Variants in LRCH3 observed in about 807,000 individuals in gnomAD.
LRCH3 encodes DISP complex protein LRCH3.
A neutral mutation model predicts 104.5 loss-of-function variants in LRCH3; 68 were observed. That is an observed-to-expected ratio of 0.65 (90% CI 0.54 to 0.80). The LOEUF (loss-of-function observed/expected upper bound fraction) is 0.80, where lower values mean the gene tolerates loss of function less well. Among genes scored for constraint, LRCH3 ranks in the 30% least tolerant of loss-of-function variants. The pLI is 0.00. For synonymous variants in LRCH3, 344 were observed against 361.3 expected (o/e 0.95, Z 0.54); for missense variants, 951 against 953.9 (o/e 1.00, Z 0.04).
intron 12 of LRCH3, among the ~76,000 whole-genome samples, chr3:197,848,854 T>C (rs114965820): frequency 0.014 from 2,149 of 152,344 alleles, 49 homozygotes; most frequent in African/African-American, 0.049. Flanking sequence ...CTGTTTTACC[T>C]GATAAACTCT....
rs1435013528 is a variant in LRCH3, at chr3:197,880,773, T to G, written c.2209-2768T>G. On this transcript the variant is annotated intron_variant, in intron 20 of 20. Transcript: ENST00000425562. Reference sequence around the variant, plus strand: ...CCTGTGCTTGGTAAAGGAGGTTTGTTTCTCATCCAGAATTATTTACATAAG... The same window carrying G: ...CCTGTGCTTGGTAAAGGAGGTTTGTGTCTCATCCAGAATTATTTACATAAG... The G allele has an allele frequency of 2.1e-5, 32 of 1,532,928 alleles. No individual in the cohort carries two copies. The Admixed American group carries it at 6.1e-4, about 29-fold the overall frequency. The allele number at this position is 1,532,928 out of a possible 1,614,324, so 95.0% of individuals were successfully genotyped here. A position where few individuals can be genotyped will look rare whatever the true frequency, so the allele number is the denominator to read the frequency against.
intron 1 of LRCH3, among the ~76,000 whole-genome samples, chr3:197,799,948 G>T (rs1168447159): frequency 6.6e-6 from 1 of 151,876 alleles, no homozygotes; most frequent in African/African-American, 2.4e-5. Context: ...TTGGGAGGCC[G>T]AGGCAGGTGG....
chr3:197,795,979 C>A lies in LRCH3; in HGVS notation c.262+4439C>A, dbSNP rs113639104. 2.1e-4 allele frequency among the ~76,000 whole-genome samples: 32 copies of A among 152,212 alleles called. 1 individual carries two copies. The highest frequency in any genetic ancestry group is 7.5e-4 in the African/African-American group (31 of 41,518). ...GTGCTGGGATTACAGGTGTGACCCA[C>A]CGCACCCGGCCAGAATTTTTTGATG... On this transcript the variant is annotated intron_variant, in intron 1 of 20. Transcript: ENST00000425562.
rs898294257 is a variant in LRCH3 at position 197,831,794 on chromosome 3, AT to A, written c.982-394del. Among the ~76,000 whole-genome samples the A allele has an allele frequency of 3.0e-3, 457 of 151,312 alleles. 1 individual carries two copies. The highest frequency in any genetic ancestry group is 0.01 in the African/African-American group (430 of 41,240). ...CACCATGCCTGGCTAATTAAAAAAA[AT>A]TTTTTTTTAGAGACATGCTCTCCCT... On this transcript the variant is annotated intron_variant, in intron 7 of 20. Transcript: ENST00000425562.
rs976930312 is a variant in LRCH3 at position 197,886,023 on chromosome 3, A to G, written c.*2357A>G. 1 of 152,094 alleles carries G rather than the reference A, an allele frequency of 6.6e-6. No homozygotes were observed. Among genetic ancestry groups the G allele is most frequent in the African/African-American group, 2.4e-5 (1 of 41,412 alleles). 9.4% of individuals were successfully genotyped at this position (152,094 alleles called of 1,614,324 possible). ...TGCAGAGAAACAAATTCATCAGAAC[A>G]TTACCACTTGACCAGGTTTAAAATT... On this transcript the variant is annotated 3_prime_UTR_variant, in exon 21 of 21. Coordinates refer to ENST00000425562, the MANE Select transcript of LRCH3 (RefSeq NM_001365715.1).
At chr3:197,853,278 C>T (rs922726637) in intron 13 of LRCH3, among the ~76,000 whole-genome samples, 1 of 152,052 alleles carries the variant, frequency 6.6e-6, no homozygotes, top group South Asian at 2.1e-4. Flanking sequence ...CAACCTCCGA[C>T]TCCCGGGTCC....
Position 197,827,031 on chromosome 3 carries a change from G to A in LRCH3, c.777+17G>A. ...CCTGCACAGGTAAACCATAGTGGAA[G>A]CATCAGGTAAACCATGGTGGAAGCA... On this transcript the variant is annotated intron_variant, in intron 5 of 20. Coordinates refer to ENST00000425562, the MANE Select transcript of LRCH3 (RefSeq NM_001365715.1). 3 of 1,555,042 alleles carry A rather than the reference G, an allele frequency of 1.9e-6. No individual in the cohort carries two copies. Among genetic ancestry groups the A allele is most frequent in the Non-Finnish European group, 2.6e-6 (3 of 1,156,034 alleles).
Position 197,791,271 on chromosome 3 carries a change from GC to G in LRCH3, c.-7del. On this transcript the variant is annotated 5_prime_UTR_variant, in exon 1 of 21. Coordinates refer to ENST00000425562, the MANE Select transcript of LRCH3 (RefSeq NM_001365715.1). ...GAGCTGGCGGGCCCGAGTGTTGTCG[GC>G]TGGGAAATGGCGGCCGCGGGCTTGG... 1 of 1,608,402 alleles carries G rather than the reference GC, an allele frequency of 6.2e-7. No individual in the cohort carries two copies. The highest frequency in any genetic ancestry group is 1.7e-4 in the Middle Eastern group (1 of 6,034).
rs779440004 is a variant in LRCH3, at chr3:197,817,279, C to A, written c.511C>A (p.His171Asn). The A allele has an allele frequency of 6.2e-7, 1 of 1,604,398 alleles. No individual in the cohort carries two copies. Among genetic ancestry groups the A allele is most frequent in the African/African-American group, 1.4e-5 (1 of 73,442 alleles). The change falls in exon 3 of 21, where the codon CAC becomes AAC. Residue 171 changes from histidine to asparagine, a missense_variant. Transcript: ENST00000425562. The part of the protein sequence containing the change: ...KLVSLPEEIG[H>N]LRHLMELDVS... ...GGTGTCACTTCCAGAAGAAATTGGA[C>A]ACCTTAGACATTTGATGGAACTTGT...
intron 4 of LRCH3, among the ~76,000 whole-genome samples, chr3:197,825,635 A>G (rs1296369838): frequency 1.3e-5 from 2 of 149,426 alleles, no homozygotes; most frequent in Admixed American, 6.7e-5. Context: ...GCCCGCCACC[A>G]CGCCCAGCTA....
intron 17 of LRCH3, among the ~76,000 whole-genome samples, chr3:197,867,079 A>G (rs1176642309): frequency 6.6e-6 from 1 of 152,098 alleles, no homozygotes; most frequent in Non-Finnish European, 1.5e-5. Context: ...GTTCATGACC[A>G]GCCTGGCCAA....
intron 1 of LRCH3, among the ~76,000 whole-genome samples, chr3:197,797,060 G>A (rs1318084276): frequency 6.6e-6 from 1 of 150,860 alleles, no homozygotes; most frequent in Non-Finnish European, 1.5e-5. Flanking sequence ...GGGCATGGTA[G>A]CACACGCCTG....
At chr3:197,881,577 T>A in intron 20 of LRCH3, 1 of 985,440 alleles carries the variant, frequency 1.0e-6, no homozygotes, top group South Asian at 4.7e-5. Context: ...AGGAGAAGTA[T>A]TAGGGCAGCA....
chr3:197,865,457 C>T lies in LRCH3; in HGVS notation c.1751C>T (p.Pro584Leu). Residue 584 changes from proline (P) to leucine (L), a missense_variant, in exon 16 of 21, where the codon CCT becomes CTT. Pro to Leu is a moderately conservative substitution (Grantham distance 98, BLOSUM62 -3). Transcript: ENST00000425562. The part of the protein sequence containing the change: ...DDRPNALLSS[P>L]ATETVHHSPA... ...AGACCTAATGCTCTATTAAGTTCACCTGCAACAGAAACAGGTAATAGACAC... is the reference window on the plus strand; with the variant it reads ...AGACCTAATGCTCTATTAAGTTCACTTGCAACAGAAACAGGTAATAGACAC... The T allele has an allele frequency of 6.4e-7, 1 of 1,552,566 alleles. No homozygotes were observed. Among genetic ancestry groups the T allele is most frequent in the Non-Finnish European group, 8.7e-7 (1 of 1,149,872 alleles).
intron 9 of LRCH3, among the ~76,000 whole-genome samples, chr3:197,837,689 A>G (rs917800349): frequency 5.9e-5 from 9 of 152,054 alleles, no homozygotes; most frequent in Non-Finnish European, 1.3e-4. Context: ...CCAATGTCAC[A>G]TTCATTTTGT....
Position 197,883,209 on chromosome 3 carries a change from A to G in LRCH3, c.2209-332A>G. On this transcript the variant is annotated intron_variant, in intron 20 of 20. Coordinates refer to ENST00000425562, the MANE Select transcript of LRCH3 (RefSeq NM_001365715.1). This position sits in a 1 kb window ranked among gnomAD's most constrained non-coding sequence, Gnocchi z 4.2. ...TCACCTGCCTATTTTATAGACCTGT[A>G]TTGACCTTTTATTCATCAGGGATAA... 9.7e-7 allele frequency: 1 copy of G among 1,026,348 alleles called. No homozygotes were observed. Among genetic ancestry groups the G allele is most frequent in the African/African-American group, 1.7e-5 (1 of 58,224 alleles). 63.6% of individuals were successfully genotyped at this position (1,026,348 alleles called of 1,614,324 possible).
chr3:197,852,454 G>A, intron 12 of LRCH3, 107 bp from the exon 13 acceptor site: 1 of 1,070,008 alleles, frequency 9.3e-7, no homozygotes, highest in Non-Finnish European at 1.4e-6. Context: ...ATAAACAAGA[G>A]GTAAAAAAAT....
intron 4 of LRCH3, among the ~76,000 whole-genome samples, chr3:197,824,660 C>T (rs1046417553): frequency 8.6e-5 from 13 of 150,532 alleles, no homozygotes; most frequent in Middle Eastern, 3.4e-3. Flanking sequence ...TCTGCCCCCC[C>T]GTCCCGGGTT....
intron 9 of LRCH3, among the ~76,000 whole-genome samples, chr3:197,836,310 T>C (rs1417350873): frequency 6.6e-6 from 1 of 152,230 alleles, no homozygotes; most frequent in East Asian, 1.9e-4. Context: ...AGAATGTAAA[T>C]TGTTTGCTAT....
Sources: gnomAD v4.1 joint callset for allele counts (sites outside exome capture counted in the v4.1 genomes callset) on GRCh38, gnomAD v4.1.1 for gene constraint, Gnocchi (gnomAD v3.1) non-coding constraint, MANE v1.5 for transcripts, NCBI Gene and HGNC (gene_info 2026-07-23, HGNC 2026-07-21) for gene names.